The following CDK12 variants were observed in gnomAD, a reference collection of about 807,000 sequenced individuals.
The protein encoded by CDK12 is cyclin dependent kinase 12, also known as cyclin-dependent kinase 12.
Under a neutral mutation model 133.8 loss-of-function variants are expected in CDK12, and 17 were observed. The observed-to-expected ratio is 0.13, with a 90% confidence interval of 0.09 to 0.19. CDK12 has a LOEUF of 0.19. Ranked by LOEUF, CDK12 falls within the 10% of genes least tolerant of loss-of-function variation. The pLI is 1.00. For synonymous variants in CDK12, 694 were observed against 683.6 expected (o/e 1.02, Z -0.24); for missense variants, 1,508 against 1,818.7 (o/e 0.83, Z 3.11).
downstream of CDK12, among the ~76,000 whole-genome samples, chr17:39,539,433 C>G (rs2055306128): frequency 6.6e-6 from 1 of 152,124 alleles, no homozygotes; most frequent in African/African-American, 2.4e-5. Flanking sequence ...GATTCAGTGC[C>G]AAGTTCAAGG....
At chr17:39,521,134 A>G (rs924900119) in intron 11 of CDK12, among the ~76,000 whole-genome samples, 2 of 151,344 alleles carry the variant, frequency 1.3e-5, no homozygotes, top group African/African-American at 4.9e-5. Context: ...CATGAGCCAC[A>G]GTGCCTGGCC....
chr17:39,536,075 TAGG>T (rs887415064), downstream of CDK12, among the ~76,000 whole-genome samples: 1 of 152,128 alleles, frequency 6.6e-6, no homozygotes, highest in Non-Finnish European at 1.5e-5. Flanking sequence ...TTCTCTCAAG[TAGG>T]AGATTACTCC....
chr17:39,551,654 G>A (rs2055959563), intron 2 of CDK12, among the ~76,000 whole-genome samples: 2 of 152,202 alleles, frequency 1.3e-5, no homozygotes, highest in Admixed American at 6.5e-5. Context: ...GGCTGAATTA[G>A]AAATGCTCCT....
intron 2 of CDK12, among the ~76,000 whole-genome samples, chr17:39,482,484 T>A (rs1313839779): frequency 6.6e-6 from 1 of 152,040 alleles, no homozygotes; most frequent in African/African-American, 2.4e-5. Context: ...AACTAAACTT[T>A]TTTTTTTAGG....
intron 6 of CDK12, among the ~76,000 whole-genome samples, chr17:39,507,442 C>T (rs1489419542): frequency 2.0e-5 from 3 of 151,542 alleles, no homozygotes; most frequent in South Asian, 2.1e-4. Flanking sequence ...CAAAATTAGC[C>T]GGGCGTAGTG....
chr17:39,506,841 A>G (rs2053163274), intron 6 of CDK12, among the ~76,000 whole-genome samples: 1 of 152,190 alleles, frequency 6.6e-6, no homozygotes, highest in African/African-American at 2.4e-5. Flanking sequence ...GAGACAGGAC[A>G]TAAACAATAT....
rs1473672331 is a variant in CDK12, at chr17:39,462,232, G to C, written c.161G>C (p.Gly54Ala). 1 of 1,614,152 alleles carries C rather than the reference G, an allele frequency of 6.2e-7. No individual in the cohort carries two copies. Among genetic ancestry groups the C allele is most frequent in the Non-Finnish European group, 8.5e-7 (1 of 1,180,024 alleles). The change falls in exon 1 of 14, where the codon GGG becomes GCG. Residue 54 changes from glycine to alanine, a missense_variant. Physicochemically the swap from Gly to Ala is moderately conservative, Grantham distance 60. Around this residue, in one of 9 missense-constraint regions of CDK12, gnomAD observed 460 missense variants for 490.8 expected, o/e 0.94. Transcript: ENST00000447079. ...RHKSKHSKDM[G>A]LVTPEAASLG... is the part of the protein sequence containing the mutation. ...AAGTCCAAACACTCCAAAGACATGG[G>C]GTTGGTGACCCCCGAAGCAGCATCC... is the stretch of plus-strand genomic sequence containing the variant.
At chr17:39,504,483 A>G (rs924138893) in intron 6 of CDK12, among the ~76,000 whole-genome samples, 6 of 152,186 alleles carry the variant, frequency 3.9e-5, no homozygotes, top group Admixed American at 1.3e-4. Flanking sequence ...AGTGATAATT[A>G]GTGTGGAGTA....
chr17:39,486,505 A>T (rs930909397), intron 2 of CDK12, among the ~76,000 whole-genome samples: 1 of 151,736 alleles, frequency 6.6e-6, no homozygotes, highest in African/African-American at 2.4e-5. Context: ...GGGCTCAAGC[A>T]ATCTTCCTGC....
chr17:39,514,789 C>CAT (rs1051637110), intron 8 of CDK12, among the ~76,000 whole-genome samples: 38 of 152,222 alleles, frequency 2.5e-4, no homozygotes, highest in African/African-American at 9.1e-4. Flanking sequence ...TATGTTTTGA[C>CAT]ATAACATATC....
chr17:39,476,167 T>G (rs1055644009), intron 2 of CDK12, among the ~76,000 whole-genome samples: 4 of 151,776 alleles, frequency 2.6e-5, no homozygotes, highest in African/African-American at 9.7e-5. Flanking sequence ...CAGGCTGGAG[T>G]GCAGTGGCAA....
At chr17:39,548,500 A>G (rs1397776304), upstream of CDK12, among the ~76,000 whole-genome samples, 1 of 152,196 alleles carries the variant, frequency 6.6e-6, no homozygotes, top group African/African-American at 2.4e-5. Flanking sequence ...AAAATCTCTT[A>G]TAATTGTTCT....
chr17:39,542,321 ATGGCTAATTTTTTTGTATTATGTAGCC>A (rs1282404613), intron 1 of CDK12, among the ~76,000 whole-genome samples: 16 of 150,394 alleles, frequency 1.1e-4, no homozygotes, highest in Non-Finnish European at 1.6e-4. Context: ...CGAGTAACTA[ATGGCTAATTTTTTTGTATTATGTAGCC>A]TGGCTAATTT....
intron 8 of CDK12, among the ~76,000 whole-genome samples, chr17:39,512,126 T>G (rs1203059844): frequency 6.6e-6 from 1 of 152,208 alleles, no homozygotes; most frequent in Non-Finnish European, 1.5e-5. Context: ...TTGCCCATTC[T>G]GGAGTCCAGT....
rs1381636441 is a variant in CDK12 at position 39,471,514 on chromosome 17, C to T, written c.1682C>T (p.Pro561Leu). The change falls in exon 2 of 14, where the codon CCA (proline) becomes CTA (leucine). Residue 561 changes from proline (P) to leucine (L), a missense_variant. Transcript: ENST00000447079. Reference sequence around the variant, plus strand: ...CCTTTGCCTCCAATACCAGCTCTTCCACAGCAACCACCTCTGCCTCCTTCT... The same window carrying T: ...CCTTTGCCTCCAATACCAGCTCTTCTACAGCAACCACCTCTGCCTCCTTCT... ...LPPLPPIPAL[P>L]QQPPLPPSQP... 6.2e-7 allele frequency: 1 copy of T among 1,613,798 alleles called. No homozygotes were observed. Among genetic ancestry groups the T allele is most frequent in the Non-Finnish European group, 8.5e-7 (1 of 1,179,978 alleles).
At chr17:39,555,535 G>A (rs2056121636) in intron 2 of CDK12, among the ~76,000 whole-genome samples, 1 of 151,992 alleles carries the variant, frequency 6.6e-6, no homozygotes, top group South Asian at 2.1e-4. Context: ...GGCAGTATCA[G>A]AAGCCCCAGG....
At chr17:39,495,637 CA>C (rs113659989) in intron 5 of CDK12, among the ~76,000 whole-genome samples, 16 of 150,666 alleles carry the variant, frequency 1.1e-4, no homozygotes, top group African/African-American at 3.2e-4. Context: ...TAAAAAAATA[CA>C]AAAAAAATTA....
At chr17:39,468,532 T>C (rs930583155) in intron 1 of CDK12, among the ~76,000 whole-genome samples, 8 of 151,838 alleles carry the variant, frequency 5.3e-5, no homozygotes, top group Non-Finnish European at 1.2e-4. Flanking sequence ...CTGGAGTGCA[T>C]TGGCACAATC....
intron 11 of CDK12, among the ~76,000 whole-genome samples, chr17:39,521,914 C>T (rs2054198440): frequency 6.7e-6 from 1 of 150,094 alleles, no homozygotes. Context: ...GTTGTCCAGA[C>T]TGTCTCAAAC....
Sources: allele counts gnomAD v4.1 joint callset (sites outside exome capture counted in the v4.1 genomes callset), GRCh38; gene constraint gnomAD v4.1.1; regional missense constraint gnomAD v4.1.1; transcripts MANE v1.5; gene names NCBI Gene and HGNC (gene_info 2026-07-23, HGNC 2026-07-21).